Variants in IQUB observed in about 807,000 individuals in gnomAD.
IQUB encodes the protein IQ motif and ubiquitin domain containing.
In IQUB, 86 loss-of-function variants were observed where a neutral mutation model predicts 86.4. The ratio of observed to expected loss-of-function variants is 1.00; its 90% CI spans 0.84 to 1.19. IQUB has a LOEUF of 1.19. Among genes scored for constraint, IQUB ranks in the 50% most tolerant of loss-of-function variants. The probability of loss-of-function intolerance (pLI) is 0.00; values close to 1 mark genes in which losing one functional copy is unlikely to be tolerated. For missense variants in IQUB, 946 were observed against 916.9 expected (o/e 1.03, Z -0.41); for synonymous variants, 289 against 304.5 (o/e 0.95, Z 0.53).
intron 6 of IQUB, among the ~76,000 whole-genome samples, chr7:123,499,131 T>C (rs1050821704): frequency 6.6e-6 from 1 of 152,134 alleles, no homozygotes; most frequent in Non-Finnish European, 1.5e-5. Flanking sequence ...TTTTTCTTTT[T>C]AGGCGAAGTC....
intron 8 of IQUB, among the ~76,000 whole-genome samples, chr7:123,471,885 A>C (rs991633807): frequency 4.6e-5 from 7 of 152,320 alleles, no homozygotes; most frequent in Non-Finnish European, 7.4e-5. Flanking sequence ...ATTTGGATCC[A>C]AATTACTTTA....
rs1324444534 is a variant in IQUB, at chr7:123,464,967, C to T, written c.1624G>A (p.Asp542Asn). Reference protein sequence around the residue: ...KLTQEILELIDREVDLMMRGV... With the variant: ...KLTQEILELINREVDLMMRGV... ...CTCATCATAAGGTCAACCTCTCTGTCAATCAATTCTAGAATTTCCTGAGTT... is the reference window on the plus strand; with the variant it reads ...CTCATCATAAGGTCAACCTCTCTGTTAATCAATTCTAGAATTTCCTGAGTT... Residue 542 changes from aspartate (D) to asparagine (N), a missense_variant, in exon 10 of 13, where the codon GAC becomes AAC. Physicochemically the swap from Asp to Asn is conservative, Grantham distance 23 (BLOSUM62 1). Transcript: ENST00000324698. 2.5e-6 allele frequency: 4 copies of T among 1,598,402 alleles called. No individual in the cohort carries two copies. The highest frequency in any genetic ancestry group is 2.6e-6 in the Non-Finnish European group (3 of 1,172,982).
At position 123,496,798 on chromosome 7, in the gene IQUB, T is replaced by C; in HGVS notation, c.1132A>G (p.Arg378Gly). 5.0e-6 allele frequency: 8 copies of C among 1,612,096 alleles called. No homozygotes were observed. The highest frequency in any genetic ancestry group is 6.8e-6 in the Non-Finnish European group (8 of 1,178,650). ...CATTCTTCTTTTTCTCTTATCTTCC[T>C]TAGTTCTTGCTGTGTTTCCCATTCC... ...RLEWETQQEL[R>G]KIREKEEWIK... is the part of the protein sequence containing the mutation. The change falls in exon 7 of 13, where the codon AGG becomes GGG. Residue 378 changes from arginine to glycine, a missense_variant. Physicochemically the swap from Arg to Gly is moderately radical, Grantham distance 125 (BLOSUM62 -2). Coordinates refer to ENST00000324698, the MANE Select transcript of IQUB (RefSeq NM_178827.5).
At chr7:123,487,044 G>A (rs1434347964) in intron 7 of IQUB, among the ~76,000 whole-genome samples, 2 of 152,176 alleles carry the variant, frequency 1.3e-5, no homozygotes, top group Admixed American at 6.5e-5. Flanking sequence ...ACTGGATCAT[G>A]AGGGTGAATT....
intron 6 of IQUB, among the ~76,000 whole-genome samples, chr7:123,499,062 G>A (rs1325425877): frequency 2.6e-5 from 4 of 151,286 alleles, no homozygotes; most frequent in Non-Finnish European, 2.9e-5. Context: ...ATGAATGAAT[G>A]AAAAATAAGA....
In IQUB at chr7:123,461,386, C is replaced by A. The variant is rs1165220675; in HGVS notation, c.1978G>T (p.Asp660Tyr). 1.2e-6 allele frequency: 2 copies of A among 1,608,238 alleles called. No individual in the cohort carries two copies. Among genetic ancestry groups the A allele is most frequent in the Admixed American group, 1.7e-5 (1 of 59,720 alleles). ...ATCAAGAAAGCAATTTTAGAATCAT[C>A]TTCATAATCAGCTTCTGTATAGTAG... ...QLYYTEADYE[D>Y]DSKIAFLMQL... The change falls in exon 11 of 13, where the codon GAT (aspartate) becomes TAT (tyrosine). Residue 660 changes from aspartate to tyrosine, a missense_variant. Coordinates refer to ENST00000324698, the MANE Select transcript of IQUB (RefSeq NM_178827.5).
At chr7:123,471,136 ATTAAT>A (rs964326784) in intron 8 of IQUB, among the ~76,000 whole-genome samples, 3 of 152,132 alleles carry the variant, frequency 2.0e-5, no homozygotes, top group Admixed American at 6.5e-5. Flanking sequence ...CAGCCCTATA[ATTAAT>A]TTAAATTGTT....
intron 7 of IQUB, among the ~76,000 whole-genome samples, chr7:123,484,258 A>G (rs1333879813): frequency 1.3e-5 from 2 of 151,364 alleles, no homozygotes; most frequent in African/African-American, 2.4e-5. Context: ...GAGCTAAATT[A>G]TGTTATGAAA....
intron 7 of IQUB, among the ~76,000 whole-genome samples, chr7:123,480,546 C>G (rs1794960984): frequency 6.6e-6 from 1 of 152,048 alleles, no homozygotes; most frequent in African/African-American, 2.4e-5. Flanking sequence ...TTTCCATACC[C>G]CATCTTCTTT....
At chr7:123,473,567 T>C (rs949389724) in intron 8 of IQUB, among the ~76,000 whole-genome samples, 5 of 151,960 alleles carry the variant, frequency 3.3e-5, no homozygotes, top group Non-Finnish European at 5.9e-5. Flanking sequence ...AGTTCTTTTG[T>C]TTTTTTGTTT....
intron 11 of IQUB, among the ~76,000 whole-genome samples, chr7:123,460,070 A>G (rs926236399): frequency 3.3e-5 from 5 of 151,970 alleles, no homozygotes; most frequent in African/African-American, 1.2e-4. Flanking sequence ...CTGAGGCAGA[A>G]CAGCATGTGT....
At chr7:123,469,495 T>C (rs993269516) in intron 8 of IQUB, 111 bp from the exon 9 acceptor site, 18 of 513,924 alleles carry the variant, frequency 3.5e-5, no homozygotes, top group African/African-American at 2.7e-4. Flanking sequence ...ATAACTAAAG[T>C]ATTGCTAAAG....
intron 10 of IQUB, among the ~76,000 whole-genome samples, chr7:123,463,394 C>T (rs752100006): frequency 6.6e-6 from 1 of 151,724 alleles, no homozygotes; most frequent in Non-Finnish European, 1.5e-5. Flanking sequence ...AAATGTCCTA[C>T]AACTGTGAAT....
chr7:123,502,537 C>G lies in IQUB; in HGVS notation c.1023+60G>C, dbSNP rs530758764. 4 of 1,462,242 alleles carry G rather than the reference C, an allele frequency of 2.7e-6. No homozygotes were observed. In the Admixed American group the frequency reaches 5.6e-5, roughly 21 times the overall value. The allele number at this position is 1,462,242 out of a possible 1,614,324, so 90.6% of individuals were successfully genotyped here. A position where few individuals can be genotyped will look rare whatever the true frequency, so the allele number is the denominator to read the frequency against. On this transcript the variant is annotated intron_variant, in intron 6 of 12. Transcript: ENST00000324698. ...TGTGGCTTGGAGAAAGAGACACACT[C>G]GGAACAACTGGCTTATATATCAAAT...
intron 11 of IQUB, among the ~76,000 whole-genome samples, chr7:123,460,253 G>T (rs1217299122): frequency 6.6e-6 from 1 of 151,880 alleles, no homozygotes; most frequent in African/African-American, 2.4e-5. Flanking sequence ...ACTCAATAAA[G>T]TGTGTAAAGC....
At chr7:123,500,900 T>C (rs1795914089) in intron 6 of IQUB, among the ~76,000 whole-genome samples, 1 of 152,248 alleles carries the variant, frequency 6.6e-6, no homozygotes, top group Admixed American at 6.5e-5. Context: ...TTTTATTCTT[T>C]CAATATCATT....
In IQUB at chr7:123,509,965, A is replaced by G; in HGVS notation, c.468T>C (p.Tyr156=). The part of the protein sequence containing the change: ...IPFKVDTILK[Y]LKDHFSHLLG... The stretch of plus-strand genomic sequence containing the variant: ...ATAAGTGTGAAAAATGGTCCTTAAG[A>G]TATTTAAGAATGGTATCAACCTTAA... Residue 156 remains tyrosine (Y), a synonymous_variant, in exon 3 of 13, where the codon TAT becomes TAC. Coordinates refer to ENST00000324698, the MANE Select transcript of IQUB (RefSeq NM_178827.5). 3 of 1,605,074 alleles carry G rather than the reference A, an allele frequency of 1.9e-6. No individual in the cohort carries two copies. In the South Asian group the frequency reaches 3.3e-5, roughly 18 times the overall value.
intron 8 of IQUB, among the ~76,000 whole-genome samples, chr7:123,477,645 T>C (rs1794807172): frequency 6.6e-6 from 1 of 152,174 alleles, no homozygotes; most frequent in East Asian, 1.9e-4. Flanking sequence ...ACCATCAGTG[T>C]GAACAGGCAA....
chr7:123,519,360 A>G (rs1370169921), intron 1 of IQUB, among the ~76,000 whole-genome samples: 1 of 152,220 alleles, frequency 6.6e-6, no homozygotes, highest in Non-Finnish European at 1.5e-5. Context: ...CTGCACTCCC[A>G]TGTTTACTAC....
Sources: allele counts gnomAD v4.1 joint callset (sites outside exome capture counted in the v4.1 genomes callset), GRCh38; gene constraint gnomAD v4.1.1; transcripts MANE v1.5; gene names NCBI Gene and HGNC (gene_info 2026-07-23, HGNC 2026-07-21).